HLX: variants seen among roughly 807,000 people sequenced by gnomAD.
HLX encodes the protein H2.0 like homeobox.
In HLX, 6 loss-of-function variants were observed where a neutral mutation model predicts 27.7. That is an observed-to-expected ratio of 0.22 (90% CI 0.12 to 0.43). The LOEUF is 0.43. Among genes scored for constraint, HLX ranks in the 20% least tolerant of loss-of-function variants. HLX has a pLI of 1.00. For synonymous variants in HLX, 328 were observed against 293.8 expected, an observed-to-expected ratio of 1.12 and a Z score of -1.19; for missense variants, 666 against 655.2, an observed-to-expected ratio of 1.02 and a Z score of -0.18.
At chr1:220,880,671 G>T in intron 1 of HLX, 1 of 599,578 alleles carries the variant, frequency 1.7e-6, no homozygotes, top group East Asian at 2.8e-5. Context: ...TTAAAAACAC[G>T]TCTTAGAATC....
At chr1:220,882,060 G>A (rs762866611) in intron 2 of HLX, 104 bp from the exon 3 acceptor site, 1 of 1,039,464 alleles carries the variant, frequency 9.6e-7, no homozygotes, top group Non-Finnish European at 1.5e-6. Context: ...CAGTTAACAC[G>A]AAACAGTTTC....
At chr1:220,882,124 C>G in intron 2 of HLX, 40 bp from the exon 3 acceptor site, 2 of 1,601,600 alleles carry the variant, frequency 1.2e-6, no homozygotes, top group Non-Finnish European at 1.7e-6. Context: ...ACTGAACGGC[C>G]CTCTTGTCTT....
At chr1:220,882,590 A>T (rs1674480813) in intron 3 of HLX, 1 of 541,380 alleles carries the variant, frequency 1.8e-6, no homozygotes, top group Admixed American at 3.1e-5. Context: ...CAAGCACTGC[A>T]TGTTTATTTT....
chr1:220,882,471 T>A, intron 3 of HLX, 123 bp downstream of exon 3: 1 of 842,776 alleles, frequency 1.2e-6, no homozygotes, highest in Non-Finnish European at 1.9e-6. Context: ...AGATCTTGAC[T>A]TTCAAGAGGC....
At position 220,884,948 on chromosome 1, in the gene HLX, G is replaced by C. The variant is rs1674538486; in HGVS notation, c.*244G>C. The stretch of plus-strand genomic sequence containing the variant: ...CTTCTCTCCGGAAGCAGGCTGGTTC[G>C]ACTGTGAGGTGTTTGACTAAACTGT... On this transcript the variant is annotated 3_prime_UTR_variant, in exon 4 of 4. Coordinates refer to ENST00000366903, the MANE Select transcript of HLX (RefSeq NM_021958.4). This position sits in a 1 kb window ranked among gnomAD's most constrained non-coding sequence, Gnocchi z 4.9. The C allele has an allele frequency of 1.6e-6, 1 of 617,388 alleles. No homozygotes were observed. The highest frequency in any genetic ancestry group is 2.8e-6 in the Non-Finnish European group (1 of 362,598). The allele number at this position is 617,388 out of a possible 1,614,324, so 38.2% of individuals were successfully genotyped here.
chr1:220,884,733 C>T lies in HLX; in HGVS notation c.*29C>T, dbSNP rs1313249608. ...GTACTAGGGCGGAGGGGATCCGGGC[C>T]TTGCGTGCAGCCTCCCAACCATGGG... is the stretch of plus-strand genomic sequence containing the variant. On this transcript the variant is annotated 3_prime_UTR_variant, in exon 4 of 4. Coordinates refer to ENST00000366903, the MANE Select transcript of HLX (RefSeq NM_021958.4). The surrounding 1 kb of genome is among the most constrained non-coding windows in gnomAD (Gnocchi z 4.9). The T allele has an allele frequency of 1.2e-6, 2 of 1,600,304 alleles. No individual in the cohort carries two copies. Among genetic ancestry groups the T allele is most frequent in the Admixed American group, 1.7e-5 (1 of 59,522 alleles).
In HLX at chr1:220,884,856, C is replaced by T. The variant is rs1674536607; in HGVS notation, c.*152C>T. 7.9e-6 allele frequency: 10 copies of T among 1,270,466 alleles called. No homozygotes were observed. The highest frequency in any genetic ancestry group is 1.1e-5 in the Non-Finnish European group (10 of 937,802). The allele number at this position is 1,270,466 out of a possible 1,614,324, so 78.7% of individuals were successfully genotyped here. The stretch of plus-strand genomic sequence containing the variant: ...ATTCACGCTTCGCCCCACGCTGCTC[C>T]GACTGGCTGCAGCGGACACTGCCCA... On this transcript the variant is annotated 3_prime_UTR_variant, in exon 4 of 4. Coordinates refer to ENST00000366903, the MANE Select transcript of HLX (RefSeq NM_021958.4). The surrounding 1 kb of genome is among the most constrained non-coding windows in gnomAD (Gnocchi z 4.9).
In HLX at chr1:220,879,556, T is replaced by G; in HGVS notation, c.-302T>G. The G allele has an allele frequency of 2.2e-6, 1 of 463,798 alleles. No homozygotes were observed. The highest frequency in any genetic ancestry group is 3.8e-6 in the Non-Finnish European group (1 of 263,662). 28.7% of individuals were successfully genotyped at this position (463,798 alleles called of 1,614,324 possible). ...GGTGTCCGGCTCCCGTCTCCCTGGC[T>G]CCCCCGCCCGCCCTGCGGCCCCAGC... is the stretch of plus-strand genomic sequence containing the variant. On this transcript the variant is annotated 5_prime_UTR_variant, in exon 1 of 4. Coordinates refer to ENST00000366903, the MANE Select transcript of HLX (RefSeq NM_021958.4).
rs1040150366 is a variant in HLX at position 220,884,277 on chromosome 1, C to T, written c.1040C>T (p.Ala347Val). Reference sequence around the variant, plus strand: ...GCCCAAAAGGACAAGGACAAGGAGGCTGGCGAGAAGCCATCAGGTGGAGCC... The same window carrying T: ...GCCCAAAAGGACAAGGACAAGGAGGTTGGCGAGAAGCCATCAGGTGGAGCC... ...AQAQKDKDKEAGEKPSGGAPA... is the reference protein window; with the variant it reads ...AQAQKDKDKEVGEKPSGGAPA... Residue 347 changes from alanine (A) to valine (V), a missense_variant, in exon 4 of 4, where the codon GCT (alanine) becomes GTT (valine). Coordinates refer to ENST00000366903, the MANE Select transcript of HLX (RefSeq NM_021958.4). The surrounding 1 kb of genome is among the most constrained non-coding windows in gnomAD (Gnocchi z 4.9). 5.6e-6 allele frequency: 9 copies of T among 1,613,854 alleles called. No homozygotes were observed. The Admixed American group carries it at 6.7e-5, about 12-fold the overall frequency.
At position 220,884,511 on chromosome 1, in the gene HLX, G is replaced by A. The variant is rs1380392210; in HGVS notation, c.1274G>A (p.Gly425Glu). The change falls in exon 4 of 4, where the codon GGG (glycine) becomes GAG (glutamate). Residue 425 changes from glycine (G) to glutamate (E), a missense_variant. Gly to Glu is a moderately conservative substitution (Grantham distance 98). Coordinates refer to ENST00000366903, the MANE Select transcript of HLX (RefSeq NM_021958.4). This position sits in a 1 kb window ranked among gnomAD's most constrained non-coding sequence, Gnocchi z 4.9. ...LITASSAGSG[G>E]SSGGGGNSFS... The stretch of plus-strand genomic sequence containing the variant: ...ACCGCCAGCAGTGCTGGGAGTGGTG[G>A]GAGCAGCGGCGGCGGCGGCAATAGT... 27 of 1,613,582 alleles carry A rather than the reference G, an allele frequency of 1.7e-5. No homozygotes were observed. The East Asian group carries it at 6.0e-4, about 36-fold the overall frequency.
At chr1:220,881,824 A>T (rs1466689675) in intron 2 of HLX, 1 of 409,846 alleles carries the variant, frequency 2.4e-6, no homozygotes, top group Non-Finnish European at 4.6e-6. Context: ...GAGATAATTC[A>T]ATTCAGGGCT....
intron 3 of HLX, chr1:220,882,614 AAG>A: frequency 2.0e-6 from 1 of 495,448 alleles, no homozygotes; most frequent in South Asian, 2.4e-5. Flanking sequence ...CAACAGGCTA[AAG>A]AACCACGGAG....
rs1044515482 is a variant in HLX at position 220,880,307 on chromosome 1, G to A, written c.450G>A (p.Pro150=). Reference sequence around the variant, plus strand: ...CCCGGGCTGGCGCCCTGCAGCCCCCGGCCTCGGGGACGCGAGTGGTTCCGA... The same window carrying A: ...CCCGGGCTGGCGCCCTGCAGCCCCCAGCCTCGGGGACGCGAGTGGTTCCGA... ...PPPRAGALQP[P]ASGTRVVPNP... Residue 150 remains proline, a synonymous_variant, in exon 1 of 4, where the codon CCG becomes CCA. Coordinates refer to ENST00000366903, the MANE Select transcript of HLX (RefSeq NM_021958.4). The A allele has an allele frequency of 1.3e-5, 21 of 1,613,106 alleles. No individual in the cohort carries two copies. Among genetic ancestry groups the A allele is most frequent in the Non-Finnish European group, 1.5e-5 (18 of 1,179,556 alleles).
rs1434501345 is a variant in HLX, at chr1:220,884,266, G to A, written c.1029G>A (p.Lys343=). The A allele has an allele frequency of 1.9e-6, 3 of 1,614,090 alleles. No homozygotes were observed. The Admixed American group carries it at 5.0e-5, about 27-fold the overall frequency. Reference sequence around the variant, plus strand: ...AGGAGGCCCAGGCCCAAAAGGACAAGGACAAGGAGGCTGGCGAGAAGCCAT... The same window carrying A: ...AGGAGGCCCAGGCCCAAAAGGACAAAGACAAGGAGGCTGGCGAGAAGCCAT... ...HSKEAQAQKD[K]DKEAGEKPSG... The change falls in exon 4 of 4, where the codon AAG becomes AAA. Residue 343 remains lysine, a synonymous_variant. Transcript: ENST00000366903. The surrounding 1 kb of genome is among the most constrained non-coding windows in gnomAD (Gnocchi z 4.9).
rs1371796919 is a variant in HLX, at chr1:220,884,671, C to G, written c.1434C>G (p.Pro478=). The change falls in exon 4 of 4, where the codon CCC becomes CCG. Residue 478 remains proline (P), a synonymous_variant. Coordinates refer to ENST00000366903, the MANE Select transcript of HLX (RefSeq NM_021958.4). This position sits in a 1 kb window ranked among gnomAD's most constrained non-coding sequence, Gnocchi z 4.9. ...QPTASSAPKS[P]EPAQGALGCL ...CAGCCAGCAGCGCTCCCAAAAGCCC[C>G]GAGCCAGCCCAAGGCGCGCTTGGCT... 3 of 1,610,814 alleles carry G rather than the reference C, an allele frequency of 1.9e-6. No individual in the cohort carries two copies. Among genetic ancestry groups the G allele is most frequent in the Admixed American group, 1.7e-5 (1 of 59,958 alleles).
Position 220,879,759 on chromosome 1 carries a change from G to C in HLX, c.-99G>C, listed in dbSNP as rs1340062422. ...GGAGAAGCGAAAGCGGATCGTCCTC[G>C]GCTGCCGCCGCCTTCTCCGGGACTC... is the stretch of plus-strand genomic sequence containing the variant. On this transcript the variant is annotated 5_prime_UTR_variant, in exon 1 of 4. Coordinates refer to ENST00000366903, the MANE Select transcript of HLX (RefSeq NM_021958.4). 5 of 1,446,128 alleles carry C rather than the reference G, an allele frequency of 3.5e-6. No homozygotes were observed. The highest frequency in any genetic ancestry group is 5.2e-5 in the Admixed American group (2 of 38,474). 89.6% of individuals were successfully genotyped at this position (1,446,128 alleles called of 1,614,324 possible).
At chr1:220,881,494 G>A (rs1674437002) in intron 2 of HLX, 121 bp downstream of exon 2, 4 of 863,106 alleles carry the variant, frequency 4.6e-6, no homozygotes, top group Non-Finnish European at 7.8e-6. Context: ...GGGAGGCTAC[G>A]GAGTCAGGAG....
rs11578466 is a variant in HLX at position 220,884,397 on chromosome 1, C to G, written c.1160C>G (p.Ala387Gly). 210,673 of 1,613,906 alleles carry G rather than the reference C, an allele frequency of 0.13. 15,283 individuals carry two copies. The highest frequency in any genetic ancestry group is 0.26 in the Middle Eastern group (1,581 of 6,060). Reference protein sequence around the residue: ...ESSDSESLDMAPSDTERTEGS... With the variant: ...ESSDSESLDMGPSDTERTEGS... ...AGCGACTCCGAGTCCCTGGACATGG[C>G]CCCCAGCGACACGGAGCGGACTGAG... is the stretch of plus-strand genomic sequence containing the variant. The change falls in exon 4 of 4, where the codon GCC (alanine) becomes GGC (glycine). Residue 387 changes from alanine to glycine, a missense_variant. Transcript: ENST00000366903. This position sits in a 1 kb window ranked among gnomAD's most constrained non-coding sequence, Gnocchi z 4.9.
At chr1:220,882,108 C>T in intron 2 of HLX, 56 bp from the exon 3 acceptor site, 13 of 1,550,802 alleles carry the variant, frequency 8.4e-6, no homozygotes, top group Non-Finnish European at 1.2e-5. Context: ...AGGTCAAGGA[C>T]TGGACACTGA....
Sources: gnomAD v4.1 joint callset for allele counts on GRCh38, gnomAD v4.1.1 for gene constraint, Gnocchi (gnomAD v3.1) non-coding constraint, MANE v1.5 for transcripts, NCBI Gene and HGNC (gene_info 2026-07-23, HGNC 2026-07-21) for gene names.